Variants in SOX6 observed in about 807,000 individuals in gnomAD.
SOX6 encodes transcription factor SOX-6.
A neutral mutation model predicts 97.8 loss-of-function variants in SOX6; 11 were observed. The ratio of observed to expected loss-of-function variants is 0.11; its 90% CI spans 0.07 to 0.19. SOX6 has a LOEUF of 0.19. Ranked by LOEUF, SOX6 falls within the 10% of genes least tolerant of loss-of-function variation. The probability of loss-of-function intolerance (pLI) is 1.00; values close to 1 mark genes in which losing one functional copy is unlikely to be tolerated. For synonymous variants in SOX6, 360 were observed against 371.4 expected, an observed-to-expected ratio of 0.97 and a Z score of 0.35; for missense variants, 810 against 1,039.5, an observed-to-expected ratio of 0.78 and a Z score of 3.04.
chr11:16,117,222 G>T (rs1849370619), intron 6 of SOX6, among the ~76,000 whole-genome samples: 1 of 152,018 alleles, frequency 6.6e-6, no homozygotes, highest in African/African-American at 2.4e-5. Flanking sequence ...GCATGGTGGG[G>T]TGTGCCTGTA....
At chr11:16,500,343 C>G (rs1860683052) in intron 4 of SOX6, among the ~76,000 whole-genome samples, 1 of 152,188 alleles carries the variant, frequency 6.6e-6, no homozygotes, top group Non-Finnish European at 1.5e-5. Context: ...GAGAAACCCA[C>G]AGCCAATATC....
intron 3 of SOX6, chr11:16,318,218 T>C: frequency 1.8e-6 from 1 of 558,518 alleles, no homozygotes; most frequent in South Asian, 2.1e-5. Context: ...ATTTGTTATC[T>C]TAAGAACCAA....
chr11:16,172,937 A>C (rs1344910809), intron 6 of SOX6, among the ~76,000 whole-genome samples: 1 of 151,886 alleles, frequency 6.6e-6, no homozygotes, highest in Non-Finnish European at 1.5e-5. Context: ...ACTTTACATA[A>C]GAGTGAGAAG....
At chr11:16,539,149 T>C (rs905960636) in intron 4 of SOX6, among the ~76,000 whole-genome samples, 2 of 152,178 alleles carry the variant, frequency 1.3e-5, no homozygotes, top group Admixed American at 1.3e-4. Flanking sequence ...GCAATCAAAT[T>C]AGAACTCAGG....
At chr11:16,056,196 A>G (rs1240031894) in intron 9 of SOX6, among the ~76,000 whole-genome samples, 1 of 152,104 alleles carries the variant, frequency 6.6e-6, no homozygotes, top group African/African-American at 2.4e-5. Flanking sequence ...AAGGAATTCA[A>G]CTAAGTAGCC....
intron 4 of SOX6, among the ~76,000 whole-genome samples, chr11:16,202,107 C>T (rs1851957515): frequency 6.6e-6 from 1 of 151,770 alleles, no homozygotes; most frequent in South Asian, 2.1e-4. Context: ...AGAAAAATGC[C>T]CATGTAAAAA....
At chr11:16,106,022 A>G (rs1849072411) in intron 7 of SOX6, among the ~76,000 whole-genome samples, 1 of 152,158 alleles carries the variant, frequency 6.6e-6, no homozygotes, top group African/African-American at 2.4e-5. Flanking sequence ...GTATGTTGAA[A>G]ACTATAAAAC....
At chr11:16,214,697 T>C (rs1852320108) in intron 4 of SOX6, among the ~76,000 whole-genome samples, 2 of 152,008 alleles carry the variant, frequency 1.3e-5, no homozygotes, top group African/African-American at 2.4e-5. Context: ...GTTTTAAGTA[T>C]ACTCATGGGT....
intron 4 of SOX6, among the ~76,000 whole-genome samples, chr11:16,230,511 A>C (rs1852815569): frequency 6.6e-6 from 1 of 151,782 alleles, no homozygotes; most frequent in African/African-American, 2.4e-5. Context: ...AGAGTAAGCA[A>C]AAATATTAAA....
rs559340493 is a variant in SOX6, at chr11:16,272,103, G to A, written c.446-37432C>T. ...ATTATATTTCCCCTTTTATTTAACA[G>A]TTTTTAGTAAAAATTTTTCTTTTCT... On this transcript the variant is annotated intron_variant, in intron 3 of 15. Transcript: ENST00000683767. 4.8e-4 allele frequency among the ~76,000 whole-genome samples: 72 copies of A among 151,342 alleles called. No individual in the cohort carries two copies. In the South Asian group the frequency reaches 8.5e-3, roughly 18 times the overall value.
intron 4 of SOX6, among the ~76,000 whole-genome samples, chr11:16,191,380 G>C (rs995358793): frequency 6.6e-6 from 1 of 152,102 alleles, no homozygotes. Context: ...AGCATTACTC[G>C]AGCCCAGGAG....
chr11:16,299,251 T>G (rs569748996), intron 3 of SOX6, among the ~76,000 whole-genome samples: 6 of 152,320 alleles, frequency 3.9e-5, no homozygotes, highest in African/African-American at 1.4e-4. Context: ...CTCTAGCTTC[T>G]GCACTTCGTG....
intron 3 of SOX6, among the ~76,000 whole-genome samples, chr11:16,305,990 A>T (rs968487296): frequency 1.3e-5 from 2 of 152,156 alleles, no homozygotes; most frequent in Non-Finnish European, 2.9e-5. Context: ...GAGCAACACA[A>T]GGAATTCTTA....
chr11:16,218,118 G>A (rs903581220), intron 4 of SOX6, among the ~76,000 whole-genome samples: 9 of 151,998 alleles, frequency 5.9e-5, no homozygotes, highest in South Asian at 4.2e-4. Context: ...TTTAACCCCC[G>A]CAAATTAAAT....
chr11:16,461,051 T>C (rs1859915419), intron 1 of SOX6, among the ~76,000 whole-genome samples: 1 of 152,160 alleles, frequency 6.6e-6, no homozygotes, highest in African/African-American at 2.4e-5. Flanking sequence ...AAAAAACTGT[T>C]AATTTTCAGA....
intron 1 of SOX6, among the ~76,000 whole-genome samples, chr11:16,349,855 T>C (rs2134356555): frequency 6.6e-6 from 1 of 152,212 alleles, no homozygotes; most frequent in East Asian, 1.9e-4. Context: ...TGATATGCCA[T>C]TTTACCAATA....
chr11:15,996,619 AAAAACAAACAAAC>A (rs1218181053), intron 13 of SOX6, among the ~76,000 whole-genome samples: 3 of 152,180 alleles, frequency 2.0e-5, no homozygotes, highest in Non-Finnish European at 2.9e-5. Flanking sequence ...ACTCAAAACA[AAAAACAAACAAAC>A]AAAAGTAAAA....
intron 4 of SOX6, among the ~76,000 whole-genome samples, chr11:16,215,817 T>C (rs1413187892): frequency 6.6e-6 from 1 of 152,244 alleles, no homozygotes; most frequent in Non-Finnish European, 1.5e-5. Flanking sequence ...GTTAAGAATA[T>C]GACATTCTCA....
intron 1 of SOX6, among the ~76,000 whole-genome samples, chr11:16,422,121 T>A (rs1276684830): frequency 6.6e-6 from 1 of 152,120 alleles, no homozygotes; most frequent in Non-Finnish European, 1.5e-5. Context: ...AAAAATAAAA[T>A]ATTTTATCAC....
Sources: allele counts gnomAD v4.1 joint callset (sites outside exome capture counted in the v4.1 genomes callset), GRCh38; gene constraint gnomAD v4.1.1; transcripts MANE v1.5; gene names NCBI Gene and HGNC (gene_info 2026-07-23, HGNC 2026-07-21).